The following ADGRB2 variants were observed in gnomAD, a reference collection of about 807,000 sequenced individuals.
ADGRB2 encodes the protein brain-specific angiogenesis inhibitor 2.
ADGRB2 carries 47 observed loss-of-function variants against 178.7 expected under a neutral mutation model. The observed-to-expected ratio is 0.26, with a 90% confidence interval of 0.21 to 0.34. ADGRB2 has a LOEUF of 0.34. Ranked by LOEUF, ADGRB2 falls within the 10% of genes least tolerant of loss-of-function variation. The pLI, the probability that ADGRB2 is intolerant of heterozygous loss-of-function variation, is 1.00. For synonymous variants in ADGRB2, 870 were observed against 912.4 expected (o/e 0.95, Z 0.84); for missense variants, 1,584 against 2,180.8 (o/e 0.73, Z 5.45).
rs371856037 is a variant in ADGRB2 at position 31,736,105 on chromosome 1, G to A, written c.3201-212C>T. ...TAGGCTCATCCCCCAGTGCTCCCAT[G>A]GGGATGAAGCAAGGCTGACTCCTGA... is the stretch of plus-strand genomic sequence containing the variant. On this transcript the variant is annotated intron_variant, in intron 22 of 32. Coordinates refer to ENST00000373658, the MANE Select transcript of ADGRB2 (RefSeq NM_001364857.2). 1.0e-3 allele frequency among the ~76,000 whole-genome samples: 155 copies of A among 152,274 alleles called. 2 individuals carry two copies. In the South Asian group the frequency reaches 0.011, roughly 11 times the overall value.
Position 31,753,107 on chromosome 1 carries a change from G to C in ADGRB2, c.838+2892C>G. Among the ~76,000 whole-genome samples the C allele has an allele frequency of 6.6e-6, 1 of 152,186 alleles. No individual in the cohort carries two copies. Among genetic ancestry groups the C allele is most frequent in the East Asian group, 1.9e-4 (1 of 5,190 alleles). On this transcript the variant is annotated intron_variant, in intron 4 of 32. Coordinates refer to ENST00000373658, the MANE Select transcript of ADGRB2 (RefSeq NM_001364857.2). The surrounding 1 kb of genome is among the most constrained non-coding windows in gnomAD (Gnocchi z 4.1). ...TCAGGATTAGAGGGTCAGTGGGCAGGAACTGCAGGCTGGCACTGGCCATCA... is the reference window on the plus strand; with the variant it reads ...TCAGGATTAGAGGGTCAGTGGGCAGCAACTGCAGGCTGGCACTGGCCATCA...
At chr1:31,743,663 C>T (rs1210833321) in intron 6 of ADGRB2, 1 of 153,376 alleles carries the variant, frequency 6.5e-6, no homozygotes, top group Non-Finnish European at 1.5e-5. Context: ...CTACCCTGCC[C>T]TTGCCGTCTC....
In ADGRB2 at chr1:31,744,458, G is replaced by T; in HGVS notation, c.923-101C>A. 1 of 1,491,316 alleles carries T rather than the reference G, an allele frequency of 6.7e-7. No homozygotes were observed. Among genetic ancestry groups the T allele is most frequent in the African/African-American group, 1.4e-5 (1 of 71,236 alleles). The allele number at this position is 1,491,316 out of a possible 1,614,324, so 92.4% of individuals were successfully genotyped here. Reference sequence around the variant, plus strand: ...AGTAAGGTGGGGGCAGGCATCAGAGGGCTCCTCCTACCCTGACCCCAAGTA... The same window carrying T: ...AGTAAGGTGGGGGCAGGCATCAGAGTGCTCCTCCTACCCTGACCCCAAGTA... On this transcript the variant is annotated intron_variant, in intron 5 of 32. Coordinates refer to ENST00000373658, the MANE Select transcript of ADGRB2 (RefSeq NM_001364857.2). This position sits in a 1 kb window ranked among gnomAD's most constrained non-coding sequence, Gnocchi z 6.7.
chr1:31,757,963 A>G (rs973154941), intron 1 of ADGRB2, among the ~76,000 whole-genome samples: 1 of 152,172 alleles, frequency 6.6e-6, no homozygotes, highest in Non-Finnish European at 1.5e-5. Context: ...CAGAGCAGTC[A>G]GGCCAGAGTG....
At chr1:31,738,667 G>A (rs764243276) in intron 16 of ADGRB2, 37 bp from the exon 17 acceptor site, 2 of 1,611,442 alleles carry the variant, frequency 1.2e-6, no homozygotes, top group Non-Finnish European at 1.7e-6. Flanking sequence ...TCTAGGGAGG[G>A]AAGCTCACCA....
At chr1:31,729,308 C>A (rs1335592561) in intron 29 of ADGRB2, among the ~76,000 whole-genome samples, 1 of 152,132 alleles carries the variant, frequency 6.6e-6, no homozygotes, top group Non-Finnish European at 1.5e-5. Context: ...AAGGGAATTG[C>A]TCCCAGGCCT....
At chr1:31,730,386 G>C (rs924836574) in intron 29 of ADGRB2, among the ~76,000 whole-genome samples, 1 of 152,192 alleles carries the variant, frequency 6.6e-6, no homozygotes, top group Admixed American at 6.5e-5. Flanking sequence ...CAAAGAGACT[G>C]CTACGGTATC....
Position 31,744,576 on chromosome 1 carries a change from C to A in ADGRB2, c.922+72G>T. 6.4e-7 allele frequency: 1 copy of A among 1,554,928 alleles called. No individual in the cohort carries two copies. The highest frequency in any genetic ancestry group is 8.8e-7 in the Non-Finnish European group (1 of 1,137,604). On this transcript the variant is annotated intron_variant, in intron 5 of 32. Transcript: ENST00000373658. This position sits in a 1 kb window ranked among gnomAD's most constrained non-coding sequence, Gnocchi z 6.7. ...CAGGACAGAGACAGACAGGCACACA[C>A]CAAGCACACACACCACCAGACGCAC...
chr1:31,740,006 C>T lies in ADGRB2; in HGVS notation c.2087G>A (p.Arg696His), dbSNP rs1409608764. ...QVSPGSVHLL[R>H]VVEDFIHLVG... is the part of the protein sequence containing the mutation. ...CAGGTGAATGAAGTCCTCCACGACA[C>T]GGAGCAGGTGCACAGAGCCAGGGGA... Residue 696 changes from arginine (R) to histidine (H), a missense_variant, in exon 14 of 33, where the codon CGT becomes CAT. By Grantham distance (29) the Arg-to-His change is conservative. Around this residue, in one of 3 missense-constraint regions of ADGRB2, gnomAD observed 62 missense variants for 140.3 expected, o/e 0.44. Coordinates refer to ENST00000373658, the MANE Select transcript of ADGRB2 (RefSeq NM_001364857.2). This position sits in a 1 kb window ranked among gnomAD's most constrained non-coding sequence, Gnocchi z 5.9. 7.4e-6 allele frequency: 12 copies of T among 1,614,168 alleles called. No homozygotes were observed. The highest frequency in any genetic ancestry group is 5.9e-6 in the Non-Finnish European group (7 of 1,180,016).
chr1:31,742,745 G>T, intron 7 of ADGRB2, 93 bp downstream of exon 7: 1 of 1,340,514 alleles, frequency 7.5e-7, no homozygotes, highest in Non-Finnish European at 9.7e-7. Context: ...GGGCCCCCAG[G>T]GGCAGGTCAC....
chr1:31,743,969 C>T (rs1646130513), intron 6 of ADGRB2, among the ~76,000 whole-genome samples: 1 of 152,222 alleles, frequency 6.6e-6, no homozygotes, highest in Admixed American at 6.5e-5. Flanking sequence ...GAATGATGTG[C>T]CCAGAACCGG....
chr1:31,761,841 C>T lies in ADGRB2; in HGVS notation c.-191+2043G>A, dbSNP rs1298113769. Among the ~76,000 whole-genome samples the T allele has an allele frequency of 6.6e-6, 1 of 152,120 alleles. No homozygotes were observed. Among genetic ancestry groups the T allele is most frequent in the Non-Finnish European group, 1.5e-5 (1 of 68,020 alleles). On this transcript the variant is annotated intron_variant, in intron 1 of 32. Coordinates refer to ENST00000373658, the MANE Select transcript of ADGRB2 (RefSeq NM_001364857.2). This position sits in a 1 kb window ranked among gnomAD's most constrained non-coding sequence, Gnocchi z 4.2. ...CCTTGAACAGAAACAGCCCCACACC[C>T]CTATCAATATTGAGCATTGCTAGGT...
In ADGRB2 at chr1:31,744,784, T is replaced by A. The variant is rs913713725; in HGVS notation, c.839-53A>T. 79 of 1,582,628 alleles carry A rather than the reference T, an allele frequency of 5.0e-5. No homozygotes were observed. The highest frequency in any genetic ancestry group is 6.1e-5 in the Non-Finnish European group (70 of 1,152,264). ...TCAGCAAAGGCCAGCTAGGTTCTGT[T>A]ACAGTGGCACAGTGAAGGCAGCCTT... On this transcript the variant is annotated intron_variant, in intron 4 of 32. Coordinates refer to ENST00000373658, the MANE Select transcript of ADGRB2 (RefSeq NM_001364857.2). This position sits in a 1 kb window ranked among gnomAD's most constrained non-coding sequence, Gnocchi z 6.7.
Position 31,731,357 on chromosome 1 carries a change from A to G in ADGRB2, c.3823T>C (p.Ser1275Pro). ...STITGTLSRLSLDEDEEPKSC... is the reference protein window; with the variant it reads ...STITGTLSRLPLDEDEEPKSC... Reference sequence around the variant, plus strand: ...TTGGGCTCCTCATCCTCATCCAGGGACAGGCGGGATAGTGTGCCCGTGATG... The same window carrying G: ...TTGGGCTCCTCATCCTCATCCAGGGGCAGGCGGGATAGTGTGCCCGTGATG... The change falls in exon 29 of 33, where the codon TCC becomes CCC. Residue 1275 changes from serine (S) to proline (P), a missense_variant. This residue lies in a region of ADGRB2 where 865 missense variants were observed against 1,192.8 expected (regional missense o/e 0.73). Transcript: ENST00000373658. The G allele has an allele frequency of 6.2e-7, 1 of 1,612,668 alleles. No homozygotes were observed. The highest frequency in any genetic ancestry group is 8.5e-7 in the Non-Finnish European group (1 of 1,179,842).
At chr1:31,752,547 A>C (rs893507390) in intron 4 of ADGRB2, among the ~76,000 whole-genome samples, 1 of 152,208 alleles carries the variant, frequency 6.6e-6, no homozygotes, top group Admixed American at 6.5e-5. Flanking sequence ...TGGGCAAATC[A>C]GAGGCAGCTT....
chr1:31,727,412 C>T lies in ADGRB2; in HGVS notation c.*8G>A, dbSNP rs746569379. The T allele has an allele frequency of 8.2e-5, 130 of 1,582,950 alleles. No individual in the cohort carries two copies. In the Middle Eastern group the frequency reaches 1.3e-3, roughly 16 times the overall value. On this transcript the variant is annotated 3_prime_UTR_variant, in exon 33 of 33. Coordinates refer to ENST00000373658, the MANE Select transcript of ADGRB2 (RefSeq NM_001364857.2). This position sits in a 1 kb window ranked among gnomAD's most constrained non-coding sequence, Gnocchi z 4.4. ...TATTTATATGCAGTGGGCAGTCCAG[C>T]GTGGCACTCACACCTCTGTCTGGAA...
intron 1 of ADGRB2, 66 bp downstream of exon 1, chr1:31,763,818 A>G: frequency 1.0e-6 from 1 of 984,842 alleles, no homozygotes; most frequent in Non-Finnish European, 1.2e-6. Context: ...GCCGGTGCGG[A>G]AACTCGGGAC....
In ADGRB2 at chr1:31,756,826, A is replaced by G; in HGVS notation, c.22-11T>C. 1 of 1,457,130 alleles carries G rather than the reference A, an allele frequency of 6.9e-7. No homozygotes were observed. The highest frequency in any genetic ancestry group is 9.1e-7 in the Non-Finnish European group (1 of 1,101,950). 90.3% of individuals were successfully genotyped at this position (1,457,130 alleles called of 1,614,324 possible). On this transcript the variant is annotated splice_polypyrimidine_tract_variant and intron_variant, in intron 3 of 32. Transcript: ENST00000373658. This position sits in a 1 kb window ranked among gnomAD's most constrained non-coding sequence, Gnocchi z 8.5. The stretch of plus-strand genomic sequence containing the variant: ...CCTATGTCCCTTGCCCTGTGGAGAG[A>G]GACAGTGGTCAGCGGGCCCCCAGCA...
In ADGRB2 at chr1:31,728,104, G is replaced by T; in HGVS notation, c.4516-23C>A. ...CCTCTGCAACGGGGGCCACCGGTCA[G>T]GCTCCAACCCCAGGGGCCACTGCAC... On this transcript the variant is annotated intron_variant, in intron 31 of 32. Transcript: ENST00000373658. The surrounding 1 kb of genome is among the most constrained non-coding windows in gnomAD (Gnocchi z 6.7). The T allele has an allele frequency of 1.2e-6, 2 of 1,611,916 alleles. No individual in the cohort carries two copies. The highest frequency in any genetic ancestry group is 1.7e-6 in the Non-Finnish European group (2 of 1,179,512).
Sources: allele counts gnomAD v4.1 joint callset (sites outside exome capture counted in the v4.1 genomes callset), GRCh38; gene constraint gnomAD v4.1.1; regional missense constraint gnomAD v4.1.1; non-coding constraint Gnocchi (gnomAD v3.1); transcripts MANE v1.5; gene names NCBI Gene and HGNC (gene_info 2026-07-23, HGNC 2026-07-21).